The following RAP1A variants were observed in gnomAD, a reference collection of about 807,000 sequenced individuals.
RAP1A encodes the protein ras-related protein Rap-1A.
In RAP1A, 6 loss-of-function variants were observed where a neutral mutation model predicts 26.4. That is an observed-to-expected ratio of 0.23 (90% confidence interval 0.12 to 0.45). The LOEUF is 0.45. Ranked by LOEUF, RAP1A falls within the 20% of genes least tolerant of loss-of-function variation. The pLI is 0.99. For missense variants in RAP1A, 121 were observed against 217.2 expected (o/e 0.56, Z 2.78); for synonymous variants, 73 against 79.4 (o/e 0.92, Z 0.43).
intron 1 of RAP1A, among the ~76,000 whole-genome samples, chr1:111,626,342 G>A (rs184482509): frequency 6.7e-6 from 1 of 149,888 alleles, no homozygotes; most frequent in Non-Finnish European, 1.5e-5. Context: ...CTTATTTTTT[G>A]TAAATAGCTT....
rs142761280 is a variant in RAP1A at position 111,637,343 on chromosome 1, A to C, written c.-28+17409A>C. 2.5e-3 allele frequency among the ~76,000 whole-genome samples: 377 copies of C among 152,336 alleles called. 2 individuals are homozygous for C. The highest frequency in any genetic ancestry group is 8.7e-3 in the African/African-American group (361 of 41,574). ...GAAAAAAATAAAGTACCAATTAGAC[A>C]TTATTTCTCAGCCTTTTTAGATATT... On this transcript the variant is annotated intron_variant, in intron 1 of 7. Coordinates refer to ENST00000369709, the MANE Select transcript of RAP1A (RefSeq NM_002884.4).
intron 1 of RAP1A, among the ~76,000 whole-genome samples, chr1:111,670,071 T>C (rs758031156): frequency 6.6e-6 from 1 of 150,648 alleles, no homozygotes; most frequent in Non-Finnish European, 1.5e-5. Context: ...AAACTGGGAG[T>C]TTTTTTTTGT....
chr1:111,699,435 A>C (rs1301284693), intron 4 of RAP1A, among the ~76,000 whole-genome samples: 1 of 142,054 alleles, frequency 7.0e-6, no homozygotes. Context: ...ATTACTCACT[A>C]CTTTTTTCTT....
At chr1:111,706,933 A>G (rs1662212263) in intron 6 of RAP1A, among the ~76,000 whole-genome samples, 1 of 152,170 alleles carries the variant, frequency 6.6e-6, no homozygotes, top group South Asian at 2.1e-4. Flanking sequence ...GTTTACTTTT[A>G]TTATTTTTTT....
intron 1 of RAP1A, among the ~76,000 whole-genome samples, chr1:111,660,304 GT>G (rs1660590706): frequency 6.6e-6 from 1 of 152,102 alleles, no homozygotes; most frequent in Admixed American, 6.5e-5. Flanking sequence ...TAGGTAAGAT[GT>G]TTTCCCCCCC....
intron 1 of RAP1A, among the ~76,000 whole-genome samples, chr1:111,630,319 C>A (rs1384070341): frequency 6.6e-6 from 1 of 152,010 alleles, no homozygotes; most frequent in East Asian, 1.9e-4. Context: ...AATATAAATT[C>A]TTGACTAAGA....
chr1:111,547,973 T>C (rs998144379), intron 1 of RAP1A, among the ~76,000 whole-genome samples: 16 of 152,270 alleles, frequency 1.1e-4, no homozygotes, highest in African/African-American at 3.6e-4. Context: ...CCTTTGCTCT[T>C]GACCAGTTCA....
chr1:111,640,290 C>T (rs556905816), intron 1 of RAP1A, among the ~76,000 whole-genome samples: 1 of 151,890 alleles, frequency 6.6e-6, no homozygotes, highest in South Asian at 2.1e-4. Flanking sequence ...TTATGTGAGA[C>T]TATTATAAGT....
At chr1:111,674,684 A>G (rs115435107) in intron 1 of RAP1A, among the ~76,000 whole-genome samples, 3 of 152,212 alleles carry the variant, frequency 2.0e-5, no homozygotes, top group South Asian at 2.1e-4. Flanking sequence ...TAGGCTATCA[A>G]CCACTTACTT....
chr1:111,567,076 G>A (rs932752594), intron 1 of RAP1A, among the ~76,000 whole-genome samples: 1 of 152,166 alleles, frequency 6.6e-6, no homozygotes, highest in Admixed American at 6.5e-5. Flanking sequence ...TATGGGCACT[G>A]AGCAGGACAT....
intron 1 of RAP1A, among the ~76,000 whole-genome samples, chr1:111,607,982 C>A (rs1371730118): frequency 9.8e-5 from 3 of 30,502 alleles, no homozygotes; most frequent in Non-Finnish European, 1.9e-4. Flanking sequence ...GGGCAGCTGG[C>A]CGGGCGGGGG....
rs1660145894 is a variant in RAP1A, at chr1:111,648,382, G to A, written c.-28+28448G>A. The A allele has an allele frequency of 4.7e-6, 3 of 633,548 alleles. No individual in the cohort carries two copies. In the Admixed American group the frequency reaches 6.1e-5, roughly 13 times the overall value. 39.2% of individuals were successfully genotyped at this position (633,548 alleles called of 1,614,324 possible). On this transcript the variant is annotated intron_variant, in intron 1 of 7. Transcript: ENST00000369709. ...TCTTTTGGATGGTTCGCATGGAGTTGCTGCTGTCCAGGGCATCACCAAGAT... is the reference window on the plus strand; with the variant it reads ...TCTTTTGGATGGTTCGCATGGAGTTACTGCTGTCCAGGGCATCACCAAGAT...
At chr1:111,594,567 G>A (rs200180228) in intron 1 of RAP1A, among the ~76,000 whole-genome samples, 6 of 141,458 alleles carry the variant, frequency 4.2e-5, no homozygotes, top group South Asian at 2.3e-4. Context: ...AAAGGAGGGA[G>A]GGAAGGAAGG....
chr1:111,688,423 G>A (rs1227784712), intron 1 of RAP1A, among the ~76,000 whole-genome samples: 4 of 150,852 alleles, frequency 2.7e-5, no homozygotes, highest in Admixed American at 1.3e-4. Flanking sequence ...AGGTTCAAGC[G>A]ATTCTCCTGC....
chr1:111,690,457 G>A (rs560408528), intron 1 of RAP1A, among the ~76,000 whole-genome samples: 1 of 152,324 alleles, frequency 6.6e-6, no homozygotes, highest in Non-Finnish European at 1.5e-5. Flanking sequence ...TCCAAGCTCT[G>A]CTTGAGTTCT....
rs567664530 is a variant in RAP1A, at chr1:111,575,586, C to G, written c.-28+33077C>G. Among the ~76,000 whole-genome samples the G allele has an allele frequency of 3.9e-5, 6 of 152,210 alleles. No individual in the cohort carries two copies. The East Asian group carries it at 1.2e-3, about 29-fold the overall frequency. On this transcript the variant is annotated intron_variant, in intron 1 of 7. Transcript: ENST00000356415. ...CCCAAGTTTATATGTTGAAGTCAAC[C>G]CCCAATACCTCCAAGTGTCCTTATA...
chr1:111,693,005 GA>G (rs1661714609), intron 2 of RAP1A, among the ~76,000 whole-genome samples: 1 of 152,146 alleles, frequency 6.6e-6, no homozygotes, highest in African/African-American at 2.4e-5. Flanking sequence ...AAGTCCATAG[GA>G]GTGAAAGAGG....
At chr1:111,582,252 A>G (rs779646704) in intron 1 of RAP1A, among the ~76,000 whole-genome samples, 1 of 152,188 alleles carries the variant, frequency 6.6e-6, no homozygotes, top group Non-Finnish European at 1.5e-5. Flanking sequence ...ACTGAAATAA[A>G]TGGCACAGGG....
chr1:111,576,424 A>C (rs920535648), intron 1 of RAP1A, among the ~76,000 whole-genome samples: 4 of 152,196 alleles, frequency 2.6e-5, no homozygotes, highest in Admixed American at 2.6e-4. Context: ...AGGACCATGG[A>C]GTTAAAGTGC....
Sources: gnomAD v4.1 joint callset for allele counts (sites outside exome capture counted in the v4.1 genomes callset) on GRCh38, gnomAD v4.1.1 for gene constraint, MANE v1.5 for transcripts, NCBI Gene and HGNC (gene_info 2026-07-23, HGNC 2026-07-21) for gene names.